CCDC171: variants seen among roughly 807,000 people sequenced by gnomAD.
The protein encoded by CCDC171 is coiled-coil domain-containing protein 171.
Under a neutral mutation model 168.2 loss-of-function variants are expected in CCDC171, and 177 were observed. That is an observed-to-expected ratio of 1.05 (90% CI 0.93 to 1.19). The LOEUF is 1.19. CCDC171 is among the 50% of genes most tolerant of loss of function. The pLI is 0.00. For missense variants in CCDC171, 1,991 were observed against 1,539.0 expected (o/e 1.29, Z -4.91); for synonymous variants, 687 against 540.8 (o/e 1.27, Z -3.75).
intron 25 of CCDC171, among the ~76,000 whole-genome samples, chr9:15,946,281 T>C (rs1828369919): frequency 6.6e-6 from 1 of 151,872 alleles, no homozygotes; most frequent in African/African-American, 2.4e-5. Context: ...TTGGTTACTG[T>C]AGCCAAAATC....
intron 7 of CCDC171, among the ~76,000 whole-genome samples, chr9:15,638,748 A>G (rs969129728): frequency 1.1e-4 from 16 of 151,776 alleles, no homozygotes; most frequent in African/African-American, 3.6e-4. Context: ...ACATGGATCA[A>G]TGCTTTCTTA....
intron 21 of CCDC171, among the ~76,000 whole-genome samples, chr9:15,833,854 A>G (rs1029286195): frequency 1.3e-5 from 2 of 152,190 alleles, no homozygotes; most frequent in Admixed American, 6.5e-5. Context: ...AAACAAAGGT[A>G]TAGAGGATTT....
intron 24 of CCDC171, among the ~76,000 whole-genome samples, chr9:15,876,309 T>A (rs1337603832): frequency 1.3e-5 from 2 of 152,094 alleles, no homozygotes; most frequent in African/African-American, 4.8e-5. Context: ...TTAGGAGACA[T>A]TAGTGATAAT....
intron 24 of CCDC171, among the ~76,000 whole-genome samples, chr9:15,906,627 C>T (rs1325119183): frequency 6.6e-6 from 1 of 152,130 alleles, no homozygotes; most frequent in Non-Finnish European, 1.5e-5. Flanking sequence ...CAGGGATGCC[C>T]TCTCTCACCA....
At chr9:15,727,762 A>G in intron 14 of CCDC171, 107 bp from the exon 15 acceptor site, 3 of 769,458 alleles carry the variant, frequency 3.9e-6, no homozygotes, top group Non-Finnish European at 5.7e-6. Flanking sequence ...GAGTATTGTA[A>G]TTCCTTTTCA....
At chr9:16,099,108 T>A in the CCDC171 span, among the ~76,000 whole-genome samples, 6 of 152,226 alleles carry the variant, frequency 3.9e-5, no homozygotes, top group Non-Finnish European at 8.8e-5. Flanking sequence ...GTGACTGTCA[T>A]GTGTAAGACC....
chr9:15,848,023 C>A (rs542040413), intron 22 of CCDC171, among the ~76,000 whole-genome samples: 1 of 151,942 alleles, frequency 6.6e-6, no homozygotes, highest in Non-Finnish European at 1.5e-5. Flanking sequence ...CTCCCAGTTT[C>A]ATCATGTCAA....
intron 6 of CCDC171, among the ~76,000 whole-genome samples, chr9:16,025,833 T>C (rs958095391): frequency 1.3e-5 from 2 of 152,130 alleles, no homozygotes; most frequent in Non-Finnish European, 2.9e-5. Context: ...GGGGTCTCCT[T>C]TGGGAGTGAT....
At chr9:15,878,430 A>G (rs1352485247) in intron 24 of CCDC171, among the ~76,000 whole-genome samples, 1 of 152,208 alleles carries the variant, frequency 6.6e-6, no homozygotes, top group African/African-American at 2.4e-5. Context: ...ACAATGAGAT[A>G]CCATCTCACA....
intron 21 of CCDC171, among the ~76,000 whole-genome samples, chr9:15,837,118 G>A (rs2060485399): frequency 1.3e-5 from 2 of 152,116 alleles, no homozygotes; most frequent in South Asian, 4.1e-4. Flanking sequence ...GGTTTTTTAA[G>A]TATAAAAGAA....
intron 4 of CCDC171, among the ~76,000 whole-genome samples, chr9:15,590,383 C>G (rs1440132777): frequency 6.6e-6 from 1 of 152,138 alleles, no homozygotes; most frequent in Non-Finnish European, 1.5e-5. Flanking sequence ...TTCACAAAAA[C>G]TTAACTAGGG....
chr9:15,920,983 A>G (rs1825245480), intron 25 of CCDC171, among the ~76,000 whole-genome samples: 1 of 151,568 alleles, frequency 6.6e-6, no homozygotes, highest in Admixed American at 6.6e-5. Flanking sequence ...AAATTTCTCT[A>G]CTTGAAATAT....
At chr9:15,634,449 C>T (rs1473891666) in intron 7 of CCDC171, among the ~76,000 whole-genome samples, 1 of 152,016 alleles carries the variant, frequency 6.6e-6, no homozygotes, top group Non-Finnish European at 1.5e-5. Context: ...CAGACATCCC[C>T]CTGATTTTGG....
At chr9:16,098,823 A>G in the CCDC171 span, among the ~76,000 whole-genome samples, 2 of 152,190 alleles carry the variant, frequency 1.3e-5, no homozygotes, top group African/African-American at 4.8e-5. Context: ...TTAGCCAGAG[A>G]AAGCATCTAA....
intron 21 of CCDC171, among the ~76,000 whole-genome samples, chr9:15,829,500 G>A (rs1176468357): frequency 6.6e-6 from 1 of 152,220 alleles, no homozygotes; most frequent in Admixed American, 6.5e-5. Flanking sequence ...GTGAAAGTTA[G>A]TAATTTTTGT....
At chr9:15,614,188 C>T (rs1375922805) in intron 6 of CCDC171, among the ~76,000 whole-genome samples, 1 of 152,128 alleles carries the variant, frequency 6.6e-6, no homozygotes, top group East Asian at 1.9e-4. Context: ...TAGACTTGCA[C>T]TTGCATGGTT....
intron 6 of CCDC171, among the ~76,000 whole-genome samples, chr9:16,035,229 C>A (rs1833442497): frequency 6.6e-6 from 1 of 152,090 alleles, no homozygotes; most frequent in Non-Finnish European, 1.5e-5. Context: ...AAAGAACATA[C>A]TAAGAAAGAA....
intron 11 of CCDC171, among the ~76,000 whole-genome samples, chr9:15,716,665 A>AG (rs1161573240): frequency 1.3e-5 from 2 of 152,148 alleles, no homozygotes; most frequent in African/African-American, 2.4e-5. Context: ...ACATCTGGTG[A>AG]GGGCCCTTAT....
At chr9:15,947,159 A>G (rs1200621809) in intron 25 of CCDC171, among the ~76,000 whole-genome samples, 2 of 152,024 alleles carry the variant, frequency 1.3e-5, no homozygotes, top group East Asian at 2.0e-4. Context: ...CACCATTGTT[A>G]TAAACCCTTT....
Sources: allele counts gnomAD v4.1 joint callset (sites outside exome capture counted in the v4.1 genomes callset), GRCh38; gene constraint gnomAD v4.1.1; transcripts MANE v1.5; gene names NCBI Gene and HGNC (gene_info 2026-07-23, HGNC 2026-07-21).